CADPS2: variants seen among roughly 807,000 people sequenced by gnomAD.
CADPS2 encodes the protein calcium-dependent secretion activator 2.
Under a neutral mutation model 172.5 loss-of-function variants are expected in CADPS2, and 93 were observed. The observed-to-expected ratio is 0.54, with a 90% CI of 0.46 to 0.64. The LOEUF (loss-of-function observed/expected upper bound fraction) is 0.64. CADPS2 is among the 30% of genes least tolerant of loss of function. The pLI, the probability that CADPS2 is intolerant of heterozygous loss-of-function variation, is 0.00. For missense variants in CADPS2, 1,420 were observed against 1,565.9 expected, an observed-to-expected ratio of 0.91 and a Z score of 1.57; for synonymous variants, 546 against 555.2, an observed-to-expected ratio of 0.98 and a Z score of 0.23.
intron 2 of CADPS2, chr7:122,676,511 T>C: frequency 2.1e-6 from 1 of 477,178 alleles, no homozygotes; most frequent in Non-Finnish European, 3.7e-6. Context: ...GCTCACTACA[T>C]TGCAATACAA....
At chr7:122,451,204 C>T (rs922243409) in intron 15 of CADPS2, among the ~76,000 whole-genome samples, 170 bp downstream of exon 15, 15 of 152,060 alleles carry the variant, frequency 9.9e-5, no homozygotes, top group South Asian at 2.1e-4. Context: ...CTGAATGATA[C>T]GCTGAGAAGC....
At chr7:122,386,103 G>C (rs561726504) in intron 24 of CADPS2, among the ~76,000 whole-genome samples, 8 of 152,128 alleles carry the variant, frequency 5.3e-5, no homozygotes, top group Admixed American at 5.2e-4. Context: ...TAAGTATTTA[G>C]TGTTTTCATG....
chr7:122,339,186 T>G (rs1372211749), intron 28 of CADPS2, among the ~76,000 whole-genome samples: 1 of 152,190 alleles, frequency 6.6e-6, no homozygotes, highest in African/African-American at 2.4e-5. Flanking sequence ...ACAAAGAAAC[T>G]GGCTCAAATA....
At chr7:122,574,467 A>AAAAAAAAAAAAC (rs2067709173) in intron 7 of CADPS2, among the ~76,000 whole-genome samples, 1 of 148,954 alleles carries the variant, frequency 6.7e-6, no homozygotes, top group Non-Finnish European at 1.5e-5. Flanking sequence ...AAAAAAAAAA[A>AAAAAAAAAAAAC]AGTATATTTC....
chr7:122,848,631 C>A (rs897746984), intron 1 of CADPS2, among the ~76,000 whole-genome samples: 1 of 152,154 alleles, frequency 6.6e-6, no homozygotes, highest in African/African-American at 2.4e-5. Flanking sequence ...GCCTCAAATG[C>A]CTGTTTTTTC....
At chr7:122,569,058 G>C (rs1273436761) in intron 7 of CADPS2, among the ~76,000 whole-genome samples, 2 of 152,102 alleles carry the variant, frequency 1.3e-5, no homozygotes, top group East Asian at 3.9e-4. Flanking sequence ...AAGAAAGAAA[G>C]TGTATCCAAT....
intron 2 of CADPS2, among the ~76,000 whole-genome samples, chr7:122,720,577 C>G (rs1359502202): frequency 3.3e-5 from 5 of 149,888 alleles, no homozygotes; most frequent in African/African-American, 1.2e-4. Context: ...TATATACATA[C>G]ACATGTATAT....
chr7:122,352,386 G>A (rs2038804907), intron 27 of CADPS2, among the ~76,000 whole-genome samples: 1 of 152,166 alleles, frequency 6.6e-6, no homozygotes, highest in Non-Finnish European at 1.5e-5. Flanking sequence ...GGACTGGGAT[G>A]GGTTTACTCA....
Position 122,441,533 on chromosome 7 carries a change from A to G in CADPS2, c.2331T>C (p.Ala777=), listed in dbSNP as rs1400062107. 1.3e-6 allele frequency: 2 copies of G among 1,534,850 alleles called. No homozygotes were observed. The highest frequency in any genetic ancestry group is 2.8e-5 in the African/African-American group (2 of 72,206). Residue 777 remains alanine, a synonymous_variant, in exon 16 of 30, where the codon GCT becomes GCC. Coordinates refer to ENST00000449022, the MANE Select transcript of CADPS2 (RefSeq NM_017954.11). ...ATACCCTTTCAAGTAATGAAAGTGT[A>G]GCTTTTAGAGCACCTTCAGGTCGTC... ...PFGRPEGALK[A]TLSLLERVLM... is the part of the protein sequence containing the mutation.
rs1194900691 is a variant in CADPS2 at position 122,320,206 on chromosome 7, C to G, written c.3850G>C (p.Gly1284Arg). The G allele has an allele frequency of 1.2e-6, 2 of 1,612,168 alleles. No homozygotes were observed. The highest frequency in any genetic ancestry group is 2.7e-5 in the African/African-American group (2 of 74,814). ...TCGTCACTGTCTTTCATAGTAATGC[C>G]CTGAAGTCCTCCTCCTTCTGAAACA... ...ASVSEGGGLQGITMKDSDEEE... is the reference protein window; with the variant it reads ...ASVSEGGGLQRITMKDSDEEE... The change falls in exon 30 of 30, where the codon GGC (glycine) becomes CGC (arginine). Residue 1284 changes from glycine (G) to arginine (R), a missense_variant. By Grantham distance (125) the Gly-to-Arg change is moderately radical. Coordinates refer to ENST00000449022, the MANE Select transcript of CADPS2 (RefSeq NM_017954.11).
chr7:122,795,843 T>C (rs1038826803), intron 1 of CADPS2, among the ~76,000 whole-genome samples: 1 of 152,066 alleles, frequency 6.6e-6, no homozygotes, highest in African/African-American at 2.4e-5. Context: ...CAACACAGTA[T>C]GGGAAGTCCT....
intron 14 of CADPS2, among the ~76,000 whole-genome samples, chr7:122,459,922 G>A (rs970378460): frequency 4.6e-5 from 7 of 152,056 alleles, no homozygotes; most frequent in Non-Finnish European, 8.8e-5. Context: ...CATTTAAGAA[G>A]GGCAAAAGTA....
At chr7:122,346,783 G>C (rs74738804) in intron 27 of CADPS2, among the ~76,000 whole-genome samples, 4,165 of 152,246 alleles carry the variant, frequency 0.027, 198 homozygotes, top group African/African-American at 0.096. Flanking sequence ...GTAAGGGATA[G>C]ATGCCTGCAT....
intron 1 of CADPS2, among the ~76,000 whole-genome samples, chr7:122,799,981 A>G (rs1176036152): frequency 6.6e-6 from 1 of 152,218 alleles, no homozygotes; most frequent in African/African-American, 2.4e-5. Flanking sequence ...CTCTTCAGAA[A>G]AAAAGATATG....
chr7:122,387,756 C>T (rs1167957454), intron 23 of CADPS2, among the ~76,000 whole-genome samples: 1 of 151,954 alleles, frequency 6.6e-6, no homozygotes, highest in Non-Finnish European at 1.5e-5. Context: ...CTGAAGTATC[C>T]TATGAAAATC....
chr7:122,360,895 A>G, intron 26 of CADPS2, 35 bp downstream of exon 26: 1 of 1,607,554 alleles, frequency 6.2e-7, no homozygotes, highest in Non-Finnish European at 8.5e-7. Flanking sequence ...ACAACAGTTA[A>G]AAGACCACAG....
intron 7 of CADPS2, among the ~76,000 whole-genome samples, chr7:122,567,631 G>C (rs1443109078): frequency 2.0e-5 from 3 of 152,076 alleles, no homozygotes; most frequent in Non-Finnish European, 4.4e-5. Context: ...ATGTAGTGTG[G>C]GTTTGTAACA....
Position 122,410,375 on chromosome 7 carries a change from A to G in CADPS2, c.2590-2679T>C, listed in dbSNP as rs192240712. Among the ~76,000 whole-genome samples the G allele has an allele frequency of 2.0e-5, 3 of 151,766 alleles. No homozygotes were observed. In the East Asian group the frequency reaches 5.8e-4, roughly 29 times the overall value. The stretch of plus-strand genomic sequence containing the variant: ...AACAAAAAACAAAAACAAAAACAAA[A>G]CTTATACAGGATTAATAATACAAAT... On this transcript the variant is annotated intron_variant, in intron 19 of 29. Transcript: ENST00000449022.
chr7:122,871,145 G>A (rs1256774012), intron 1 of CADPS2, among the ~76,000 whole-genome samples: 1 of 151,654 alleles, frequency 6.6e-6, no homozygotes, highest in African/African-American at 2.4e-5. Flanking sequence ...AAGGAAGACA[G>A]GGGACAACGG....
Sources: allele counts gnomAD v4.1 joint callset (sites outside exome capture counted in the v4.1 genomes callset), GRCh38; gene constraint gnomAD v4.1.1; transcripts MANE v1.5; gene names NCBI Gene and HGNC (gene_info 2026-07-23, HGNC 2026-07-21).